The following COL7A1 variants were observed in gnomAD, a reference collection of about 807,000 sequenced individuals.
COL7A1 encodes the protein collagen type VII alpha 1 chain, also known as collagen alpha-1(VII) chain.
A neutral mutation model predicts 456.2 loss-of-function variants in COL7A1; 296 were observed. The ratio of observed to expected loss-of-function variants is 0.65; its 90% confidence interval spans 0.59 to 0.71. The LOEUF is 0.71. COL7A1 is among the 30% of genes least tolerant of loss of function. The pLI, the probability that COL7A1 is intolerant of heterozygous loss-of-function variation, is 0.00. For missense variants in COL7A1, 3,441 were observed against 4,017.2 expected (o/e 0.86, Z 3.88); for synonymous variants, 1,464 against 1,525.9 (o/e 0.96, Z 0.95).
In COL7A1 at chr3:48,592,654, G is replaced by T; in HGVS notation, c.892C>A (p.Arg298=). 6.2e-7 allele frequency: 1 copy of T among 1,613,830 alleles called. No individual in the cohort carries two copies. Among genetic ancestry groups the T allele is most frequent in the Non-Finnish European group, 8.5e-7 (1 of 1,179,992 alleles). Residue 298 remains arginine (R), a synonymous_variant, in exon 8 of 119, where the codon CGG becomes AGG. Coordinates refer to ENST00000681320, the MANE Select transcript of COL7A1 (RefSeq NM_000094.4). This position sits in a 1 kb window ranked among gnomAD's most constrained non-coding sequence, Gnocchi z 7.6. ...GETSVRLRGL[R]PLTEYQVTVI... ...GTCACTTGGTACTCGGTCAGTGGCC[G>T]GAGACCCCGCAGCCGCACACTGGTC...
In COL7A1 at chr3:48,582,465, G is replaced by A. The variant is rs2044835012; in HGVS notation, c.4599+13C>T. On this transcript the variant is annotated intron_variant, in intron 46 of 118. Coordinates refer to ENST00000681320, the MANE Select transcript of COL7A1 (RefSeq NM_000094.4). ...CTAGTACCAGACAGTGCCACCCCCA[G>A]CCGAGGACCCACCTTCTCTCCTTGG... The A allele has an allele frequency of 1.2e-6, 2 of 1,614,172 alleles. No homozygotes were observed. The highest frequency in any genetic ancestry group is 2.2e-5 in the South Asian group (2 of 91,088).
Position 48,575,945 on chromosome 3 carries a change from G to T in COL7A1, c.5821-43C>A, listed in dbSNP as rs1389318201. Reference sequence around the variant, plus strand: ...GTGAAGGGCTGCCCATGACAGAGAAGCTCCTGCCTTCTGCCCCGCACGGCC... The same window carrying T: ...GTGAAGGGCTGCCCATGACAGAGAATCTCCTGCCTTCTGCCCCGCACGGCC... On this transcript the variant is annotated intron_variant, in intron 71 of 118. Transcript: ENST00000681320. The surrounding 1 kb of genome is among the most constrained non-coding windows in gnomAD (Gnocchi z 6.3). The T allele has an allele frequency of 1.2e-6, 2 of 1,614,060 alleles. No homozygotes were observed.
Position 48,587,688 on chromosome 3 carries a change from AG to A in COL7A1, c.2857+104del. ...TCATGCTGGGGTCACCCAGGGTCAG[AG>A]GGTGAGGGGTAGGGGTACAGGAGGA... On this transcript the variant is annotated intron_variant, in intron 22 of 118. Transcript: ENST00000681320. The surrounding 1 kb of genome is among the most constrained non-coding windows in gnomAD (Gnocchi z 6.1). 1 of 1,596,354 alleles carries A rather than the reference AG, an allele frequency of 6.3e-7. No homozygotes were observed. The highest frequency in any genetic ancestry group is 1.1e-5 in the South Asian group (1 of 90,590).
rs1305255095 is a variant in COL7A1 at position 48,587,313 on chromosome 3, G to A, written c.3016C>T (p.Leu1006Phe). The A allele has an allele frequency of 2.5e-6, 4 of 1,601,552 alleles. No individual in the cohort carries two copies. The African/African-American group carries it at 4.0e-5, about 16-fold the overall frequency. ...GQEVPGSPQT[L>F]PGISSSQRVT... ...CGCTGGGAGCTTGAGATCCCTGGAA[G>A]TGTCTGCGGGGACCCAGGCACTTCT... The change falls in exon 24 of 119, where the codon CTT becomes TTT. Residue 1006 changes from leucine (L) to phenylalanine (F), a missense_variant. This residue lies in a region of COL7A1 where 444 missense variants were observed against 427.6 expected (regional missense o/e 1.04). Transcript: ENST00000681320. The surrounding 1 kb of genome is among the most constrained non-coding windows in gnomAD (Gnocchi z 6.1).
chr3:48,583,822 GC>G lies in COL7A1; in HGVS notation c.4279-43del, dbSNP rs756658685. On this transcript the variant is annotated intron_variant, in intron 39 of 118. Coordinates refer to ENST00000681320, the MANE Select transcript of COL7A1 (RefSeq NM_000094.4). The surrounding 1 kb of genome is among the most constrained non-coding windows in gnomAD (Gnocchi z 5.1). The stretch of plus-strand genomic sequence containing the variant: ...AAAAATATGAGCCAAGAACTATGAA[GC>G]CCAGCACCCAACCACTGCCCCAGGA... 9.9e-6 allele frequency: 16 copies of G among 1,613,314 alleles called. No individual in the cohort carries two copies. Among genetic ancestry groups the G allele is most frequent in the Middle Eastern group, 1.6e-4 (1 of 6,084 alleles).
In COL7A1 at chr3:48,568,760, G is replaced by A; in HGVS notation, c.7758+24C>T. ...ATGCTGGCTCTGGACCTGGGCCTGG[G>A]CCTGGGCCTGGGGCAGAACTTGCCT... On this transcript the variant is annotated intron_variant, in intron 104 of 118. Coordinates refer to ENST00000681320, the MANE Select transcript of COL7A1 (RefSeq NM_000094.4). This position sits in a 1 kb window ranked among gnomAD's most constrained non-coding sequence, Gnocchi z 5.2. 3.9e-6 allele frequency: 6 copies of A among 1,557,118 alleles called. No individual in the cohort carries two copies. The highest frequency in any genetic ancestry group is 4.3e-6 in the Non-Finnish European group (5 of 1,149,796).
At position 48,593,680 on chromosome 3, in the gene COL7A1, C is replaced by T. The variant is rs2045870877; in HGVS notation, c.283G>A (p.Asp95Asn). The T allele has an allele frequency of 6.2e-7, 1 of 1,614,058 alleles. No homozygotes were observed. Among genetic ancestry groups the T allele is most frequent in the African/African-American group, 1.3e-5 (1 of 74,930 alleles). Residue 95 changes from aspartate to asparagine, a missense_variant, in exon 4 of 119, where the codon GAT (aspartate) becomes AAT (asparagine). Around this residue, in one of 3 missense-constraint regions of COL7A1, gnomAD observed 913 missense variants for 1,088.2 expected, o/e 0.84. Coordinates refer to ENST00000681320, the MANE Select transcript of COL7A1 (RefSeq NM_000094.4). This position sits in a 1 kb window ranked among gnomAD's most constrained non-coding sequence, Gnocchi z 4.4. Reference protein sequence around the residue: ...SDDPRTEFGLDALGSGGDVIR... With the variant: ...SDDPRTEFGLNALGSGGDVIR... ...ACATCACCCCCAGAGCCAAGTGCATCCAGGCCGAACTCTGTCCTGTTGGAG... is the reference window on the plus strand; with the variant it reads ...ACATCACCCCCAGAGCCAAGTGCATTCAGGCCGAACTCTGTCCTGTTGGAG...
At position 48,588,672 on chromosome 3, in the gene COL7A1, C is replaced by G; in HGVS notation, c.2557G>C (p.Gly853Arg). 6.2e-7 allele frequency: 1 copy of G among 1,613,858 alleles called. No individual in the cohort carries two copies. The change falls in exon 20 of 119, where the codon GGC becomes CGC. Residue 853 changes from glycine (G) to arginine (R), a missense_variant. Gly to Arg is a moderately radical substitution (Grantham distance 125). This residue lies in a region of COL7A1 where 444 missense variants were observed against 427.6 expected (regional missense o/e 1.04). Coordinates refer to ENST00000681320, the MANE Select transcript of COL7A1 (RefSeq NM_000094.4). This position sits in a 1 kb window ranked among gnomAD's most constrained non-coding sequence, Gnocchi z 4.6. Reference sequence around the variant, plus strand: ...GTGACAACAATGGAGACAGGTGTGCCCTCGCGGTCCCCGACAAGTGCAGTC... The same window carrying G: ...GTGACAACAATGGAGACAGGTGTGCGCTCGCGGTCCCCGACAAGTGCAGTC... ...RVTALVGDRE[G>R]TPVSIVVTTP...
At chr3:48,576,622 GA>G in intron 68 of COL7A1, 53 bp downstream of exon 68, 1 of 1,591,034 alleles carries the variant, frequency 6.3e-7, no homozygotes, top group Non-Finnish European at 8.6e-7. Flanking sequence ...GTTGCCCATT[GA>G]AACATCATGG....
In COL7A1 at chr3:48,565,051, G is replaced by T. The variant is rs1003879036; in HGVS notation, c.8620+58C>A. On this transcript the variant is annotated intron_variant, in intron 117 of 118. Transcript: ENST00000681320. The surrounding 1 kb of genome is among the most constrained non-coding windows in gnomAD (Gnocchi z 4.5). Reference sequence around the variant, plus strand: ...GGGTTGAAAGGTCAGGGGGAGGTCAGCAGGGCTCAGCCCTGCCTGCCCCTC... The same window carrying T: ...GGGTTGAAAGGTCAGGGGGAGGTCATCAGGGCTCAGCCCTGCCTGCCCCTC... 46 of 1,608,944 alleles carry T rather than the reference G, an allele frequency of 2.9e-5. No individual in the cohort carries two copies. The highest frequency in any genetic ancestry group is 3.4e-5 in the Non-Finnish European group (40 of 1,177,202).
Position 48,581,465 on chromosome 3 carries a change from C to T in COL7A1, c.4801G>A (p.Gly1601Ser). 1 of 1,614,076 alleles carries T rather than the reference C, an allele frequency of 6.2e-7. No homozygotes were observed. Among genetic ancestry groups the T allele is most frequent in the Non-Finnish European group, 8.5e-7 (1 of 1,180,014 alleles). The change falls in exon 51 of 119, where the codon GGC becomes AGC. Residue 1601 changes from glycine to serine, a missense_variant. Around this residue, in one of 3 missense-constraint regions of COL7A1, gnomAD observed 2,084 missense variants for 2,501.3 expected, o/e 0.83. Transcript: ENST00000681320. The surrounding 1 kb of genome is among the most constrained non-coding windows in gnomAD (Gnocchi z 5.8). ...GTACTCACTGGGGGTCCTGCTCTGC[C>T]AGTAAGGCCAATGGGACCCTGAAGG... ...PGDRGPIGLT[G>S]RAGPPGDSGP...
rs1417365823 is a variant in COL7A1 at position 48,575,296 on chromosome 3, C to T, written c.6180+43G>A. The stretch of plus-strand genomic sequence containing the variant: ...AGCCCATGGGGGGTCCCACCCCTCC[C>T]AACCCCTCTTCCCTCACTCTCCTGG... On this transcript the variant is annotated intron_variant, in intron 74 of 118. Transcript: ENST00000681320. The surrounding 1 kb of genome is among the most constrained non-coding windows in gnomAD (Gnocchi z 6.3). 6.2e-7 allele frequency: 1 copy of T among 1,609,306 alleles called. No homozygotes were observed. The highest frequency in any genetic ancestry group is 8.5e-7 in the Non-Finnish European group (1 of 1,175,984).
At position 48,574,180 on chromosome 3, in the gene COL7A1, CACAG is replaced by C; in HGVS notation, c.6501+78_6501+81del. 1.9e-6 allele frequency: 3 copies of C among 1,544,476 alleles called. No homozygotes were observed. Among genetic ancestry groups the C allele is most frequent in the South Asian group, 2.2e-5 (2 of 89,818 alleles). On this transcript the variant is annotated intron_variant, in intron 80 of 118. Transcript: ENST00000681320. This position sits in a 1 kb window ranked among gnomAD's most constrained non-coding sequence, Gnocchi z 5.0. The stretch of plus-strand genomic sequence containing the variant: ...ACACAGGTACACACAAACACACACA[CACAG>C]ACATGCACACACACAGCAGCAGCAG...
rs1452477174 is a variant in COL7A1 at position 48,573,581 on chromosome 3, G to T, written c.6574-24C>A. 1 of 1,614,080 alleles carries T rather than the reference G, an allele frequency of 6.2e-7. No individual in the cohort carries two copies. The highest frequency in any genetic ancestry group is 1.1e-5 in the South Asian group (1 of 91,084). ...CCCTAGAGAAAAGGGTCAAGGGCAGGGAACAGGGCTCAGGGATTAACACAG... is the reference window on the plus strand; with the variant it reads ...CCCTAGAGAAAAGGGTCAAGGGCAGTGAACAGGGCTCAGGGATTAACACAG... On this transcript the variant is annotated intron_variant, in intron 82 of 118. Transcript: ENST00000681320. This position sits in a 1 kb window ranked among gnomAD's most constrained non-coding sequence, Gnocchi z 5.5.
chr3:48,568,089 C>G lies in COL7A1; in HGVS notation c.7875+1G>C, dbSNP rs2107637140. ...AAAAACCAATCTTGTTTCTTTCCTACCTTGAGGCCCCGGGGACCCATGAAG... is the reference window on the plus strand; with the variant it reads ...AAAAACCAATCTTGTTTCTTTCCTAGCTTGAGGCCCCGGGGACCCATGAAG... On this transcript the variant is annotated splice_donor_variant, in intron 106 of 118. Coordinates refer to ENST00000681320, the MANE Select transcript of COL7A1 (RefSeq NM_000094.4). LOFTEE classifies it high-confidence loss of function. The surrounding 1 kb of genome is among the most constrained non-coding windows in gnomAD (Gnocchi z 5.2). The G allele has an allele frequency of 1.2e-6, 2 of 1,614,208 alleles. No individual in the cohort carries two copies. The highest frequency in any genetic ancestry group is 1.7e-6 in the Non-Finnish European group (2 of 1,180,030).
chr3:48,572,117 C>T lies in COL7A1; in HGVS notation c.7023+10G>A, dbSNP rs1293030603. 1 of 1,614,000 alleles carries T rather than the reference C, an allele frequency of 6.2e-7. No homozygotes were observed. The highest frequency in any genetic ancestry group is 2.2e-5 in the East Asian group (1 of 44,868). On this transcript the variant is annotated intron_variant, in intron 91 of 118. Transcript: ENST00000681320. The surrounding 1 kb of genome is among the most constrained non-coding windows in gnomAD (Gnocchi z 4.6). ...CTCAGTAGTCAGGCCCCAGGGCCAA[C>T]CCACCTCACCTTCTCGCCTCGCGGC...
At position 48,574,362 on chromosome 3, in the gene COL7A1, A is replaced by C; in HGVS notation, c.6457-56T>G. On this transcript the variant is annotated intron_variant, in intron 79 of 118. Coordinates refer to ENST00000681320, the MANE Select transcript of COL7A1 (RefSeq NM_000094.4). This position sits in a 1 kb window ranked among gnomAD's most constrained non-coding sequence, Gnocchi z 5.0. ...CCCAGTTCCAACTTCCCCTCCACCCACCATCCCCCTAGACAGAGTCAGGAC... is the reference window on the plus strand; with the variant it reads ...CCCAGTTCCAACTTCCCCTCCACCCCCCATCCCCCTAGACAGAGTCAGGAC... 1 of 1,613,294 alleles carries C rather than the reference A, an allele frequency of 6.2e-7. No homozygotes were observed. Among genetic ancestry groups the C allele is most frequent in the Non-Finnish European group, 8.5e-7 (1 of 1,179,408 alleles).
At position 48,585,860 on chromosome 3, in the gene COL7A1, G is replaced by A. The variant is rs2107744398; in HGVS notation, c.3760-4C>T. On this transcript the variant is annotated splice_polypyrimidine_tract_variant and splice_region_variant and intron_variant, in intron 29 of 118. Coordinates refer to ENST00000681320, the MANE Select transcript of COL7A1 (RefSeq NM_000094.4). This position sits in a 1 kb window ranked among gnomAD's most constrained non-coding sequence, Gnocchi z 4.5. ...CTCCAGGTTCCCCCTTCTGGCCCTG[G>A]GGAAAGACATGTCAGATGTGGGTCA... The A allele has an allele frequency of 1.2e-6, 2 of 1,614,106 alleles. No individual in the cohort carries two copies. The highest frequency in any genetic ancestry group is 1.7e-6 in the Non-Finnish European group (2 of 1,180,022).
intron 37 of COL7A1, 44 bp downstream of exon 37, chr3:48,584,254 G>A (rs768964773): frequency 1.3e-6 from 2 of 1,567,922 alleles, no homozygotes; most frequent in African/African-American, 1.4e-5. Context: ...GTTCAAATGG[G>A]GTCACCAGGT....
Sources: allele counts gnomAD v4.1 joint callset, GRCh38; gene constraint gnomAD v4.1.1; regional missense constraint gnomAD v4.1.1; non-coding constraint Gnocchi (gnomAD v3.1); transcripts MANE v1.5; gene names NCBI Gene and HGNC (gene_info 2026-07-23, HGNC 2026-07-21).